The following DAAM2 variants were observed in gnomAD, a reference collection of about 807,000 sequenced individuals.
The protein encoded by DAAM2 is disheveled-associated activator of morphogenesis 2.
Under a neutral mutation model 120.7 loss-of-function variants are expected in DAAM2, and 39 were observed. The observed-to-expected ratio is 0.32, with a 90% confidence interval of 0.25 to 0.42. The LOEUF (loss-of-function observed/expected upper bound fraction) is 0.42, where lower values mean the gene tolerates loss of function less well. DAAM2 is among the 10% of genes least tolerant of loss of function. DAAM2 has a pLI of 1.00. For synonymous variants in DAAM2, 488 were observed against 524.9 expected (o/e 0.93, Z 0.96); for missense variants, 1,283 against 1,401.7 (o/e 0.92, Z 1.35).
chr6:39,878,282 C>T lies in DAAM2; in HGVS notation c.1360+21C>T. The stretch of plus-strand genomic sequence containing the variant: ...GAAAGGTGAGGGGCTCTGCTTAAGC[C>T]TGCTGTCCACTCCACATGCCCTTCC... On this transcript the variant is annotated intron_variant, in intron 12 of 24. Transcript: ENST00000274867. The surrounding 1 kb of genome is among the most constrained non-coding windows in gnomAD (Gnocchi z 5.0). 1.2e-6 allele frequency: 2 copies of T among 1,613,726 alleles called. No individual in the cohort carries two copies. The highest frequency in any genetic ancestry group is 1.7e-6 in the Non-Finnish European group (2 of 1,179,724).
rs565664562 is a variant in DAAM2 at position 39,878,415 on chromosome 6, C to T, written c.1372C>T (p.Leu458Phe). ...CACCCCCATTCCAGAACACATGGAG[C>T]TTGTGAGCCGTCTGGAGAGGAAGGA... The part of the protein sequence containing the change: ...AEKFRKEHME[L>F]VSRLERKERE... The change falls in exon 13 of 25, where the codon CTT becomes TTT. Residue 458 changes from leucine (L) to phenylalanine (F), a missense_variant. This residue lies in a region of DAAM2 where 338 missense variants were observed against 443.9 expected (regional missense o/e 0.76). Transcript: ENST00000274867. The surrounding 1 kb of genome is among the most constrained non-coding windows in gnomAD (Gnocchi z 5.0). The T allele has an allele frequency of 1.5e-5, 24 of 1,611,878 alleles. No homozygotes were observed. Among genetic ancestry groups the T allele is most frequent in the Non-Finnish European group, 1.7e-5 (20 of 1,178,922 alleles).
chr6:39,873,608 C>T (rs531703280), intron 10 of DAAM2, among the ~76,000 whole-genome samples: 29 of 152,346 alleles, frequency 1.9e-4, no homozygotes, highest in Admixed American at 1.4e-3. Context: ...AGTCCAAAAA[C>T]GGTAGCTTGA....
At position 39,891,406 on chromosome 6, in the gene DAAM2, GC is replaced by G; in HGVS notation, c.2212del (p.Arg738GlyfsTer12). On this transcript the variant is annotated frameshift_variant, in exon 18 of 25. Transcript: ENST00000274867. LOFTEE classifies it high-confidence loss of function. ...TGGAGGAGCACAAGCATGAAATTGA[GC>G]GGATGGCCCGTGCTGACCGCTTCCT... ...LLEEHKHEIE[R>X]MARADRFLYE... 1 of 1,611,418 alleles carries G rather than the reference GC, an allele frequency of 6.2e-7. No homozygotes were observed. Among genetic ancestry groups the G allele is most frequent in the Non-Finnish European group, 8.5e-7 (1 of 1,178,806 alleles).
intron 1 of DAAM2, among the ~76,000 whole-genome samples, chr6:39,797,083 G>A (rs1307181593): frequency 6.6e-6 from 1 of 152,176 alleles, no homozygotes; most frequent in Non-Finnish European, 1.5e-5. Context: ...TTATACAAAA[G>A]TGGGGCACAG....
At chr6:39,896,774 A>C in intron 19 of DAAM2, 38 bp from the exon 20 acceptor site, 1 of 1,513,006 alleles carries the variant, frequency 6.6e-7, no homozygotes, top group East Asian at 2.3e-5. Context: ...TGCCCTGCCT[A>C]GCCCATGCAG....
intron 9 of DAAM2, 95 bp downstream of exon 9, chr6:39,871,667 T>C: frequency 8.8e-7 from 1 of 1,139,284 alleles, no homozygotes. Flanking sequence ...GTGGCAGGGC[T>C]GGTGTGGGCT....
Position 39,798,903 on chromosome 6 carries a change from G to A in DAAM2, c.-57+6438G>A, listed in dbSNP as rs570569888. Among the ~76,000 whole-genome samples the A allele has an allele frequency of 3.3e-5, 5 of 152,212 alleles. No homozygotes were observed. In the South Asian group the frequency reaches 1.0e-3, roughly 32 times the overall value. ...ACACATTGCATTACCGTCGAGGAAG[G>A]ACCAAGTCTCCTTCATGCTTTCTAC... On this transcript the variant is annotated intron_variant, in intron 1 of 24. Coordinates refer to ENST00000274867, the MANE Select transcript of DAAM2 (RefSeq NM_001201427.2).
At chr6:39,863,672 G>A (rs945075496) in intron 3 of DAAM2, among the ~76,000 whole-genome samples, 17 of 152,106 alleles carry the variant, frequency 1.1e-4, no homozygotes, top group African/African-American at 4.1e-4. Context: ...GGAGAAGGCT[G>A]GATTTTCAGT....
intron 9 of DAAM2, among the ~76,000 whole-genome samples, chr6:39,872,470 C>T (rs1372354379): frequency 2.0e-5 from 3 of 152,162 alleles, no homozygotes; most frequent in African/African-American, 7.2e-5. Context: ...CTTTCCCCTG[C>T]CTTCCAGCAA....
intron 1 of DAAM2, among the ~76,000 whole-genome samples, chr6:39,845,140 C>T (rs1763514874): frequency 6.7e-6 from 1 of 149,552 alleles, no homozygotes; most frequent in Non-Finnish European, 1.5e-5. Context: ...TCTACACACA[C>T]ATTACACACA....
chr6:39,835,623 G>T (rs1439896118), intron 1 of DAAM2, among the ~76,000 whole-genome samples: 1 of 152,254 alleles, frequency 6.6e-6, no homozygotes, highest in Non-Finnish European at 1.5e-5. Context: ...CAAACATATG[G>T]AGGAAGGAAC....
chr6:39,856,084 G>A (rs568100454), intron 1 of DAAM2, 163 bp from the exon 2 acceptor site: 80 of 983,748 alleles, frequency 8.1e-5, no homozygotes, highest in Middle Eastern at 1.0e-3. Flanking sequence ...GGGAACAGAG[G>A]GATGCTGTGG....
chr6:39,894,103 G>C (rs1313069971), intron 19 of DAAM2, among the ~76,000 whole-genome samples: 1 of 152,062 alleles, frequency 6.6e-6, no homozygotes, highest in Admixed American at 6.5e-5. Context: ...ACCGAATATA[G>C]TCAAGATGAA....
intron 16 of DAAM2, 51 bp downstream of exon 16, chr6:39,887,643 T>G: frequency 1.5e-6 from 2 of 1,299,836 alleles, no homozygotes; most frequent in Non-Finnish European, 2.2e-6. Flanking sequence ...ACAAAGGGGG[T>G]GGAGGAACGG....
At chr6:39,815,754 T>C (rs559470222) in intron 1 of DAAM2, among the ~76,000 whole-genome samples, 1 of 152,232 alleles carries the variant, frequency 6.6e-6, no homozygotes, top group Admixed American at 6.5e-5. Flanking sequence ...GTATTTGTAT[T>C]ACAACAATTC....
At chr6:39,860,721 G>C (rs1048085571) in intron 2 of DAAM2, among the ~76,000 whole-genome samples, 5 of 152,156 alleles carry the variant, frequency 3.3e-5, no homozygotes, top group African/African-American at 1.2e-4. Context: ...TGCAATAGAA[G>C]TCACATAGGG....
At chr6:39,869,878 T>C (rs903516329) in intron 7 of DAAM2, among the ~76,000 whole-genome samples, 1 of 151,940 alleles carries the variant, frequency 6.6e-6, no homozygotes, top group African/African-American at 2.4e-5. Context: ...TACCACCTTT[T>C]CATGGCTGGC....
intron 22 of DAAM2, 105 bp downstream of exon 22, chr6:39,899,042 G>A: frequency 2.7e-6 from 1 of 370,088 alleles, no homozygotes; most frequent in Non-Finnish European, 4.2e-6. Context: ...AATGGGTACA[G>A]CCTCTAGCAC....
At chr6:39,824,392 C>T (rs1472393462) in intron 1 of DAAM2, among the ~76,000 whole-genome samples, 1 of 152,204 alleles carries the variant, frequency 6.6e-6, no homozygotes, top group African/African-American at 2.4e-5. Flanking sequence ...CTAAATCCAT[C>T]TCTGGCCCTG....
Sources: allele counts gnomAD v4.1 joint callset (sites outside exome capture counted in the v4.1 genomes callset), GRCh38; gene constraint gnomAD v4.1.1; regional missense constraint gnomAD v4.1.1; non-coding constraint Gnocchi (gnomAD v3.1); transcripts MANE v1.5; gene names NCBI Gene and HGNC (gene_info 2026-07-23, HGNC 2026-07-21).